Variants in NSMAF observed in about 807,000 individuals in gnomAD.
The protein encoded by NSMAF is neutral sphingomyelinase activation associated factor.
NSMAF carries 90 observed loss-of-function variants against 134.9 expected under a neutral mutation model. The observed-to-expected ratio is 0.67, with a 90% confidence interval of 0.56 to 0.79. The LOEUF (loss-of-function observed/expected upper bound fraction) is 0.79, where lower values mean the gene tolerates loss of function less well. NSMAF is among the 30% of genes least tolerant of loss of function. NSMAF has a pLI of 0.00. For missense variants in NSMAF, 1,010 were observed against 1,119.0 expected (o/e 0.90, Z 1.39); for synonymous variants, 358 against 389.6 (o/e 0.92, Z 0.96).
At chr8:58,630,671 G>A (rs1807038519) in intron 6 of NSMAF, among the ~76,000 whole-genome samples, 1 of 152,128 alleles carries the variant, frequency 6.6e-6, no homozygotes, top group East Asian at 1.9e-4. Context: ...TGCCCAAAAT[G>A]CCAAAAGCAC....
rs180848184 is a variant in NSMAF at position 58,592,465 on chromosome 8, C to T, written c.1952-1531G>A. On this transcript the variant is annotated intron_variant, in intron 23 of 30. Transcript: ENST00000038176. ...GTGCCTGCCCACATACCTAAACATACTGTATACTAGAAGAAGATATGTAAT... is the reference window on the plus strand; with the variant it reads ...GTGCCTGCCCACATACCTAAACATATTGTATACTAGAAGAAGATATGTAAT... 5.7e-3 allele frequency among the ~76,000 whole-genome samples: 869 copies of T among 152,264 alleles called. 8 individuals carry two copies. The highest frequency in any genetic ancestry group is 6.3e-3 in the Non-Finnish European group (426 of 68,026).
At chr8:58,600,680 A>C (rs1806260116) in intron 16 of NSMAF, among the ~76,000 whole-genome samples, 1 of 151,630 alleles carries the variant, frequency 6.6e-6, no homozygotes, top group South Asian at 2.1e-4. Context: ...CTCATTGCAA[A>C]AGGAATTATT....
chr8:58,601,021 G>A, intron 16 of NSMAF: 1 of 297,502 alleles, frequency 3.4e-6, no homozygotes, highest in Admixed American at 4.8e-5. Flanking sequence ...TCATTGTTTT[G>A]AAGAATATCT....
At chr8:58,610,028 G>A (rs1279077783) in intron 9 of NSMAF, among the ~76,000 whole-genome samples, 1 of 151,850 alleles carries the variant, frequency 6.6e-6, no homozygotes, top group Non-Finnish European at 1.5e-5. Context: ...AAAATAAATA[G>A]GCCTTGAAAC....
Position 58,586,529 on chromosome 8 carries a change from A to G in NSMAF, c.2375T>C (p.Leu792Pro). Residue 792 changes from leucine (L) to proline (P), a missense_variant, in exon 28 of 31, where the codon CTC (leucine) becomes CCC (proline). Transcript: ENST00000038176. Reference sequence around the variant, plus strand: ...CTGGTGCATTAAGGTGGCCGTTGTGAGGTCCCAAATATTCACTGTGCCTTC... The same window carrying G: ...CTGGTGCATTAAGGTGGCCGTTGTGGGGTCCCAAATATTCACTGTGCCTTC... ...TKEGTVNIWD[L>P]TTATLMHQIP... 6.2e-7 allele frequency: 1 copy of G among 1,613,952 alleles called. No individual in the cohort carries two copies. The highest frequency in any genetic ancestry group is 1.1e-5 in the South Asian group (1 of 91,078).
At chr8:58,648,679 T>C (rs1807514786) in intron 1 of NSMAF, among the ~76,000 whole-genome samples, 1 of 152,208 alleles carries the variant, frequency 6.6e-6, no homozygotes, top group South Asian at 2.1e-4. Context: ...CCTCCAGCCA[T>C]GGCTCAAAGG....
Position 58,595,366 on chromosome 8 carries a change from C to T in NSMAF, c.1892+194G>A, listed in dbSNP as rs527550291. Among the ~76,000 whole-genome samples the T allele has an allele frequency of 2.0e-4, 30 of 152,232 alleles. No individual in the cohort carries two copies. The South Asian group carries it at 6.2e-3, about 32-fold the overall frequency. Reference sequence around the variant, plus strand: ...GCACGGTAGCCACCACAAATCATTTCGTGCCAAACTTTCCCTACTACATCA... The same window carrying T: ...GCACGGTAGCCACCACAAATCATTTTGTGCCAAACTTTCCCTACTACATCA... On this transcript the variant is annotated intron_variant, in intron 22 of 30. Transcript: ENST00000038176.
chr8:58,642,326 A>G (rs1807354432), intron 2 of NSMAF, among the ~76,000 whole-genome samples: 1 of 152,204 alleles, frequency 6.6e-6, no homozygotes, highest in Admixed American at 6.5e-5. Flanking sequence ...CATCTTAGTT[A>G]ATTCTAAGTT....
At chr8:58,642,921 A>C in intron 2 of NSMAF, 63 bp downstream of exon 2, 1 of 1,221,492 alleles carries the variant, frequency 8.2e-7, no homozygotes, top group Non-Finnish European at 1.2e-6. Context: ...TCACACATTT[A>C]ACTTTAAAAG....
intron 7 of NSMAF, 142 bp from the exon 8 acceptor site, chr8:58,623,566 A>G (rs1368742796): frequency 2.0e-5 from 21 of 1,065,402 alleles, no homozygotes. Flanking sequence ...CCTAATATAT[A>G]GTTTTTAAAC....
At chr8:58,655,435 TGTCA>T (rs1807682495) in intron 1 of NSMAF, among the ~76,000 whole-genome samples, 1 of 151,756 alleles carries the variant, frequency 6.6e-6, no homozygotes, top group Non-Finnish European at 1.5e-5. Context: ...GGTCTCACTG[TGTCA>T]CCCAGGCTGG....
intron 3 of NSMAF, 25 bp from the exon 4 acceptor site, chr8:58,635,397 A>T: frequency 1.3e-6 from 2 of 1,581,658 alleles, no homozygotes; most frequent in Non-Finnish European, 1.7e-6. Context: ...GAGAAATATT[A>T]TAAAAATCAA....
chr8:58,604,874 G>T (rs1806369511), intron 12 of NSMAF, among the ~76,000 whole-genome samples: 1 of 152,042 alleles, frequency 6.6e-6, no homozygotes. Flanking sequence ...CTCTCGAGTA[G>T]CTGGGACTAC....
intron 24 of NSMAF, among the ~76,000 whole-genome samples, chr8:58,590,310 C>T (rs1490645946): frequency 6.6e-6 from 1 of 152,122 alleles, no homozygotes; most frequent in Non-Finnish European, 1.5e-5. Context: ...GATGACTCTC[C>T]AGGGTCCTGC....
chr8:58,659,674 C>T lies in NSMAF; in HGVS notation c.-43G>A. ...GGGCGCAGAGCGCACAGGCAGGCCC[C>T]GCCGCCGCCTGCCGAGGAGGTCCGG... On this transcript the variant is annotated 5_prime_UTR_variant, in exon 1 of 31. Transcript: ENST00000038176. 3.0e-6 allele frequency: 4 copies of T among 1,345,310 alleles called. No individual in the cohort carries two copies. The highest frequency in any genetic ancestry group is 3.8e-6 in the Non-Finnish European group (4 of 1,043,722). The allele number at this position is 1,345,310 out of a possible 1,614,324, so 83.3% of individuals were successfully genotyped here.
intron 7 of NSMAF, 44 bp downstream of exon 7, chr8:58,623,665 T>G (rs1806845038): frequency 6.6e-7 from 1 of 1,519,170 alleles, no homozygotes; most frequent in African/African-American, 1.4e-5. Context: ...AAAAACAGTT[T>G]TTGCCTCAGT....
At chr8:58,608,441 A>T (rs1382797668) in intron 10 of NSMAF, among the ~76,000 whole-genome samples, 3 of 152,184 alleles carry the variant, frequency 2.0e-5, no homozygotes, top group Non-Finnish European at 2.9e-5. Flanking sequence ...GCTAATGGCT[A>T]TGCTTCCGTG....
chr8:58,605,880 CAAAAA>C (rs371910886), intron 12 of NSMAF, 42 bp downstream of exon 12: 287 of 1,277,434 alleles, frequency 2.2e-4, no homozygotes, highest in Admixed American at 7.8e-4. Context: ...ACTCAGCCTC[CAAAAA>C]AAAAAAAAAA....
In NSMAF at chr8:58,609,657, G is replaced by A. The variant is rs1285582757; in HGVS notation, c.634C>T (p.His212Tyr). ...MVTPLVTNPG[H>Y]VCITDTNLYF... ...AGGTTTGTGTCCGTGATGCACACGT[G>A]TCCAGGATTAGTCACCAGAGGCGTC... Residue 212 changes from histidine (H) to tyrosine (Y), a missense_variant, in exon 10 of 31, where the codon CAC becomes TAC. Transcript: ENST00000038176. 2 of 1,614,140 alleles carry A rather than the reference G, an allele frequency of 1.2e-6. No individual in the cohort carries two copies. Among genetic ancestry groups the A allele is most frequent in the Non-Finnish European group, 1.7e-6 (2 of 1,179,964 alleles).
Sources: gnomAD v4.1 joint callset for allele counts (sites outside exome capture counted in the v4.1 genomes callset) on GRCh38, gnomAD v4.1.1 for gene constraint, MANE v1.5 for transcripts, NCBI Gene and HGNC (gene_info 2026-07-23, HGNC 2026-07-21) for gene names.